The following CPVL variants were observed in gnomAD, a reference collection of about 807,000 sequenced individuals.
CPVL encodes probable serine carboxypeptidase CPVL.
Under a neutral mutation model 63.7 loss-of-function variants are expected in CPVL, and 51 were observed. The observed-to-expected ratio is 0.80, with a 90% confidence interval of 0.64 to 1.01. The LOEUF is 1.01. Ranked by LOEUF, CPVL falls within the 50% of genes least tolerant of loss-of-function variation. The pLI, the probability that CPVL is intolerant of heterozygous loss-of-function variation, is 0.00. For missense variants in CPVL, 530 were observed against 573.1 expected (o/e 0.92, Z 0.77); for synonymous variants, 195 against 206.0 (o/e 0.95, Z 0.46).
intron 4 of CPVL, 51 bp downstream of exon 4, chr7:29,096,049 GTAT>G: frequency 7.4e-7 from 1 of 1,359,108 alleles, no homozygotes; most frequent in East Asian, 2.3e-5. Context: ...TTTGGAGCAG[GTAT>G]GAGGCTCAGA....
At chr7:29,008,174 G>T (rs1485162179) in intron 12 of CPVL, among the ~76,000 whole-genome samples, 2 of 152,168 alleles carry the variant, frequency 1.3e-5, no homozygotes, top group African/African-American at 2.4e-5. Flanking sequence ...CTGGGTGCAT[G>T]TTTGGGGGAT....
chr7:29,054,529 T>C (rs1028323024), intron 11 of CPVL, among the ~76,000 whole-genome samples: 1 of 152,230 alleles, frequency 6.6e-6, no homozygotes, highest in African/African-American at 2.4e-5. Context: ...CTTCTGACTT[T>C]TAAAACATTC....
chr7:29,055,095 T>C (rs913599661), intron 11 of CPVL, among the ~76,000 whole-genome samples: 1 of 152,188 alleles, frequency 6.6e-6, no homozygotes, highest in Non-Finnish European at 1.5e-5. Flanking sequence ...TTGGCTATCT[T>C]TCTCTCTTAT....
intron 3 of CPVL, among the ~76,000 whole-genome samples, chr7:29,107,145 G>C (rs1212975964): frequency 2.0e-5 from 3 of 152,258 alleles, no homozygotes; most frequent in Admixed American, 2.0e-4. Context: ...AGATTCAAGA[G>C]ACCAAGGCAC....
chr7:29,140,040 G>C (rs1200117097), intron 1 of CPVL, among the ~76,000 whole-genome samples: 2 of 152,074 alleles, frequency 1.3e-5, no homozygotes, highest in East Asian at 3.9e-4. Flanking sequence ...TACATTTCTT[G>C]TTGCTTGACT....
intron 12 of CPVL, chr7:29,009,295 T>G (rs548080443): frequency 6.6e-6 from 1 of 150,720 alleles, no homozygotes. Flanking sequence ...TTTAATAAGC[T>G]CAGGTGAAAG....
chr7:29,194,846 C>T (rs1315207827), intron 1 of CPVL: 6 of 1,192,526 alleles, frequency 5.0e-6, no homozygotes, highest in African/African-American at 1.6e-5. Context: ...TTGCCATGGG[C>T]TGGGGGCCGC....
At chr7:29,102,901 G>C in intron 3 of CPVL, among the ~76,000 whole-genome samples, 1 of 152,166 alleles carries the variant, frequency 6.6e-6, no homozygotes, top group Non-Finnish European at 1.5e-5. Flanking sequence ...TATTCACAAT[G>C]ATGATGAAAA....
At chr7:29,002,400 T>C (rs1250898902) in intron 12 of CPVL, among the ~76,000 whole-genome samples, 1 of 152,226 alleles carries the variant, frequency 6.6e-6, no homozygotes, top group Non-Finnish European at 1.5e-5. Context: ...CAAGGTGATA[T>C]GCCTCTACTC....
chr7:29,081,282 A>T (rs1162649609), intron 7 of CPVL: 2 of 152,252 alleles, frequency 1.3e-5, no homozygotes, highest in African/African-American at 4.8e-5. Context: ...CTCTTTTTGA[A>T]GTATGTTTTT....
intron 12 of CPVL, among the ~76,000 whole-genome samples, chr7:29,015,506 G>A (rs1045157720): frequency 3.3e-5 from 5 of 152,176 alleles, no homozygotes; most frequent in African/African-American, 9.7e-5. Flanking sequence ...AAGGTGTGTG[G>A]CATCTCCCCG....
At chr7:29,106,026 G>A (rs1040107157) in intron 3 of CPVL, among the ~76,000 whole-genome samples, 2 of 152,296 alleles carry the variant, frequency 1.3e-5, no homozygotes, top group Admixed American at 6.5e-5. Context: ...TCCAGACCTC[G>A]GTGGAGAAGG....
At chr7:29,002,401 G>A (rs1784733359) in intron 12 of CPVL, among the ~76,000 whole-genome samples, 1 of 152,156 alleles carries the variant, frequency 6.6e-6, no homozygotes, top group Admixed American at 6.5e-5. Context: ...AAGGTGATAT[G>A]CCTCTACTCT....
intron 11 of CPVL, among the ~76,000 whole-genome samples, chr7:29,049,415 A>G (rs1789935597): frequency 6.6e-6 from 1 of 152,164 alleles, no homozygotes; most frequent in East Asian, 1.9e-4. Flanking sequence ...GAAAACCTAG[A>G]AGAGATGGAT....
intron 3 of CPVL, among the ~76,000 whole-genome samples, chr7:29,104,769 T>G (rs1207271633): frequency 6.6e-6 from 1 of 152,194 alleles, no homozygotes; most frequent in African/African-American, 2.4e-5. Context: ...TTATACTTTA[T>G]AAGGAATAGG....
chr7:29,005,410 G>T (rs1238009459), intron 12 of CPVL, among the ~76,000 whole-genome samples: 1 of 152,144 alleles, frequency 6.6e-6, no homozygotes, highest in East Asian at 1.9e-4. Context: ...GTCTTCAGAA[G>T]GGGAAATGTT....
chr7:29,175,592 G>A (rs914188884), intron 5 of CPVL, among the ~76,000 whole-genome samples: 10 of 152,072 alleles, frequency 6.6e-5, no homozygotes, highest in African/African-American at 2.2e-4. Flanking sequence ...CTCCCCAGCC[G>A]TATGGAACTG....
chr7:29,052,228 A>T (rs1584108671), intron 11 of CPVL, among the ~76,000 whole-genome samples: 1 of 151,720 alleles, frequency 6.6e-6, no homozygotes, highest in East Asian at 1.9e-4. Context: ...AAATCTCACA[A>T]ATCACCACTA....
At chr7:29,081,946 C>T (rs1301457004) in intron 7 of CPVL, among the ~76,000 whole-genome samples, 2 of 152,188 alleles carry the variant, frequency 1.3e-5, no homozygotes, top group African/African-American at 2.4e-5. Context: ...GCATCAGGCT[C>T]CTCTCATTCA....
Sources: allele counts gnomAD v4.1 joint callset (sites outside exome capture counted in the v4.1 genomes callset), GRCh38; gene constraint gnomAD v4.1.1; transcripts MANE v1.5; gene names NCBI Gene and HGNC (gene_info 2026-07-23, HGNC 2026-07-21).